PLEKHA7: variants seen among roughly 807,000 people sequenced by gnomAD.
PLEKHA7 encodes pleckstrin homology domain containing A7.
PLEKHA7 carries 104 observed loss-of-function variants against 170.0 expected under a neutral mutation model. The ratio of observed to expected loss-of-function variants is 0.61; its 90% CI spans 0.52 to 0.72. The LOEUF (loss-of-function observed/expected upper bound fraction) is 0.72, where lower values mean the gene tolerates loss of function less well. Ranked by LOEUF, PLEKHA7 falls within the 30% of genes least tolerant of loss-of-function variation. The pLI is 0.00. For synonymous variants in PLEKHA7, 648 were observed against 660.8 expected, an observed-to-expected ratio of 0.98 and a Z score of 0.30; for missense variants, 1,615 against 1,671.7, an observed-to-expected ratio of 0.97 and a Z score of 0.59.
chr11:16,876,214 A>G (rs1042022695), intron 3 of PLEKHA7, among the ~76,000 whole-genome samples: 1 of 152,210 alleles, frequency 6.6e-6, no homozygotes, highest in African/African-American at 2.4e-5. Context: ...GCAGGCACAG[A>G]CACATCCCCT....
At chr11:16,886,346 A>C (rs916192292) in intron 3 of PLEKHA7, among the ~76,000 whole-genome samples, 3 of 152,250 alleles carry the variant, frequency 2.0e-5, no homozygotes, top group African/African-American at 7.2e-5. Flanking sequence ...TGCTCCAGAA[A>C]GCAACTGCAA....
Position 16,899,836 on chromosome 11 carries a change from A to G in PLEKHA7, c.222-28654T>C, listed in dbSNP as rs545395214. On this transcript the variant is annotated intron_variant, in intron 3 of 26. Transcript: ENST00000531066. Reference sequence around the variant, plus strand: ...TGCTGAAAGGCAAAGATCCCTTATAAGTGGTAAGGGCATGAACTGAACTTT... The same window carrying G: ...TGCTGAAAGGCAAAGATCCCTTATAGGTGGTAAGGGCATGAACTGAACTTT... Among the ~76,000 whole-genome samples the G allele has an allele frequency of 1.3e-4, 20 of 152,354 alleles. No homozygotes were observed. The South Asian group carries it at 4.1e-3, about 32-fold the overall frequency.
At chr11:16,781,954 G>A (rs899026588) in intron 26 of PLEKHA7, among the ~76,000 whole-genome samples, 2 of 152,184 alleles carry the variant, frequency 1.3e-5, no homozygotes, top group East Asian at 3.9e-4. Context: ...TGCACTGGGG[G>A]AGAAATGGTA....
At chr11:16,888,255 G>A (rs1225179062) in intron 3 of PLEKHA7, among the ~76,000 whole-genome samples, 1 of 150,970 alleles carries the variant, frequency 6.6e-6, no homozygotes, top group Non-Finnish European at 1.5e-5. Context: ...CCCCGTCCAG[G>A]AGGGAGGTGG....
At chr11:16,818,213 T>C (rs1032754344) in intron 10 of PLEKHA7, among the ~76,000 whole-genome samples, 1 of 152,210 alleles carries the variant, frequency 6.6e-6, no homozygotes, top group African/African-American at 2.4e-5. Flanking sequence ...TTTGTGACCC[T>C]AGGCAGCTCA....
chr11:16,889,045 T>C (rs530895081), intron 3 of PLEKHA7, among the ~76,000 whole-genome samples: 1 of 149,820 alleles, frequency 6.7e-6, no homozygotes, highest in South Asian at 2.1e-4. Flanking sequence ...CCAGATGGCC[T>C]GAAGGAGCCA....
intron 3 of PLEKHA7, chr11:17,013,211 G>C (rs1056433122): frequency 1.3e-5 from 2 of 152,406 alleles, no homozygotes; most frequent in African/African-American, 4.8e-5. Context: ...GCCTGTACTG[G>C]CATAGGAGCC....
chr11:16,965,051 G>A (rs1862287776), intron 3 of PLEKHA7, among the ~76,000 whole-genome samples: 1 of 151,416 alleles, frequency 6.6e-6, no homozygotes, highest in Admixed American at 6.6e-5. Flanking sequence ...GCTCATGCCT[G>A]TAATCCCAGC....
chr11:16,926,145 C>CG (rs2136289699), intron 3 of PLEKHA7, among the ~76,000 whole-genome samples: 1 of 152,312 alleles, frequency 6.6e-6, no homozygotes, highest in East Asian at 1.9e-4. Flanking sequence ...TGGTAAATTG[C>CG]GGGAACGGAT....
chr11:16,895,587 C>T (rs1276252974), intron 3 of PLEKHA7, among the ~76,000 whole-genome samples: 5 of 152,214 alleles, frequency 3.3e-5, no homozygotes, highest in African/African-American at 7.2e-5. Context: ...GTTTCTGATG[C>T]ATGTTAAACA....
chr11:16,948,929 C>A (rs1449507890), intron 3 of PLEKHA7, among the ~76,000 whole-genome samples: 1 of 152,182 alleles, frequency 6.6e-6, no homozygotes, highest in African/African-American at 2.4e-5. Flanking sequence ...TCAGCATCAT[C>A]CCTGGAGCAG....
intron 3 of PLEKHA7, among the ~76,000 whole-genome samples, chr11:16,914,630 T>C (rs955105883): frequency 6.6e-6 from 1 of 152,164 alleles, no homozygotes; most frequent in Non-Finnish European, 1.5e-5. Flanking sequence ...AAATGTGGAA[T>C]CCTGCAAAGA....
At chr11:16,892,621 T>TA (rs1426572862) in intron 3 of PLEKHA7, among the ~76,000 whole-genome samples, 2 of 111,776 alleles carry the variant, frequency 1.8e-5, no homozygotes, top group Non-Finnish European at 4.1e-5. Context: ...TCCAGCTTCT[T>TA]TTTTTTTTTT....
chr11:16,859,727 G>C (rs957796453), intron 4 of PLEKHA7, among the ~76,000 whole-genome samples: 1 of 152,160 alleles, frequency 6.6e-6, no homozygotes, highest in South Asian at 2.1e-4. Context: ...CCTAAGAACC[G>C]AGTCTCATCT....
chr11:16,944,059 A>C (rs1376750431), intron 3 of PLEKHA7, among the ~76,000 whole-genome samples: 3 of 152,162 alleles, frequency 2.0e-5, no homozygotes, highest in African/African-American at 7.2e-5. Context: ...ACCACCTTGA[A>C]AGAATTAAAG....
intron 9 of PLEKHA7, among the ~76,000 whole-genome samples, chr11:16,838,052 C>T (rs942503932): frequency 6.6e-6 from 1 of 152,152 alleles, no homozygotes; most frequent in Admixed American, 6.5e-5. Context: ...AGAGGAAAAA[C>T]AAATTCCATA....
intron 3 of PLEKHA7, 70 bp from the exon 4 acceptor site, chr11:16,871,252 C>T: frequency 8.2e-7 from 1 of 1,225,626 alleles, no homozygotes; most frequent in Non-Finnish European, 1.2e-6. Context: ...ACAGGTCAGT[C>T]AGCAATGTCT....
At chr11:16,808,030 T>G (rs917025684) in intron 13 of PLEKHA7, among the ~76,000 whole-genome samples, 8 of 152,188 alleles carry the variant, frequency 5.3e-5, no homozygotes, top group Non-Finnish European at 8.8e-5. Context: ...GCCCCATCCC[T>G]GGAGGTTCTT....
rs869209891 is a variant in PLEKHA7, at chr11:16,838,693, C to CTTTTTTT, written c.872+2847_872+2853dup. 1.6e-4 allele frequency among the ~76,000 whole-genome samples: 17 copies of CTTTTTTT among 107,852 alleles called. 1 individual carries two copies. Among genetic ancestry groups the CTTTTTTT allele is most frequent in the East Asian group, 5.7e-4 (2 of 3,520 alleles). 70.8% of individuals were successfully genotyped at this position (107,852 alleles called of 152,430 possible). A position where few individuals can be genotyped will look rare whatever the true frequency, so the allele number is the denominator to read the frequency against. ...ACTCACTAGTGAAATACACAGTTTT[C>CTTTTTTT]TTTTTTTTTTTTTTTTTTTTTGAGA... On this transcript the variant is annotated intron_variant, in intron 9 of 26. Coordinates refer to ENST00000531066, the MANE Select transcript of PLEKHA7 (RefSeq NM_001329630.2).
Sources: allele counts gnomAD v4.1 joint callset (sites outside exome capture counted in the v4.1 genomes callset), GRCh38; gene constraint gnomAD v4.1.1; transcripts MANE v1.5; gene names NCBI Gene and HGNC (gene_info 2026-07-23, HGNC 2026-07-21).